Variants in VDAC1 observed in about 807,000 individuals in gnomAD.
The protein encoded by VDAC1 is voltage dependent anion channel 1, also known as non-selective voltage-gated ion channel VDAC1.
In VDAC1, 10 loss-of-function variants were observed where a neutral mutation model predicts 34.7. That is an observed-to-expected ratio of 0.29 (90% CI 0.18 to 0.49). The LOEUF (loss-of-function observed/expected upper bound fraction) is 0.49. VDAC1 is among the 20% of genes least tolerant of loss of function. The probability of loss-of-function intolerance (pLI) is 0.99; values close to 1 mark genes in which losing one functional copy is unlikely to be tolerated. For missense variants in VDAC1, 230 were observed against 347.9 expected (o/e 0.66, Z 2.69); for synonymous variants, 130 against 136.0 (o/e 0.96, Z 0.30).
At chr5:134,074,037 G>T in the VDAC1 span, among the ~76,000 whole-genome samples, 1 of 152,124 alleles carries the variant, frequency 6.6e-6, no homozygotes, top group East Asian at 1.9e-4. Context: ...AGCTGGCTGG[G>T]CGCAGTGGCT....
the VDAC1 span, among the ~76,000 whole-genome samples, chr5:134,073,165 G>T: frequency 1.3e-5 from 2 of 152,128 alleles, no homozygotes; most frequent in Non-Finnish European, 2.9e-5. Flanking sequence ...CCTCCCAAAG[G>T]GATGCCAGGT....
At chr5:133,993,077 T>C in intron 1 of VDAC1, 59 bp from the exon 2 acceptor site, 2 of 1,508,642 alleles carry the variant, frequency 1.3e-6, no homozygotes, top group East Asian at 2.4e-5. Context: ...TAGCTTTCCA[T>C]CAATAACAAT....
the VDAC1 span, among the ~76,000 whole-genome samples, chr5:134,078,705 C>T: frequency 5.9e-5 from 8 of 136,532 alleles, no homozygotes; most frequent in Non-Finnish European, 1.1e-4. Flanking sequence ...GGCTGGAGTG[C>T]AATGGCACGA....
chr5:134,107,834 T>C, the VDAC1 span, among the ~76,000 whole-genome samples: 6 of 152,312 alleles, frequency 3.9e-5, no homozygotes, highest in East Asian at 5.8e-4. Flanking sequence ...GAGACAAATA[T>C]TACTCTTACC....
the VDAC1 span, among the ~76,000 whole-genome samples, chr5:134,034,907 G>C: frequency 6.6e-6 from 1 of 152,102 alleles, no homozygotes; most frequent in Non-Finnish European, 1.5e-5. Context: ...ACAACTGATC[G>C]TAGGGAGAAA....
chr5:133,980,689 A>ACGGCC, intron 6 of VDAC1, 40 bp downstream of exon 6: 1 of 564,058 alleles, frequency 1.8e-6, no homozygotes. Context: ...ACATGCTCCA[A>ACGGCC]CCCCACCCCT....
the VDAC1 span, among the ~76,000 whole-genome samples, chr5:134,113,836 T>C: frequency 4.6e-5 from 7 of 152,234 alleles, no homozygotes; most frequent in African/African-American, 1.4e-4. Context: ...TTCAGAGTCA[T>C]GGGCTCCCTA....
rs780428327 is a variant in VDAC1, at chr5:133,991,087, T to C, written c.185A>G (p.Tyr62Cys). Residue 62 changes from tyrosine to cysteine, a missense_variant, in exon 4 of 9, where the codon TAC (tyrosine) becomes TGC (cysteine). By Grantham distance (194) the Tyr-to-Cys change is radical. Transcript: ENST00000265333. ...TKVTGSLETKYRWTEYGLTFT... is the reference protein window; with the variant it reads ...TKVTGSLETKCRWTEYGLTFT... ...CGTCAGGCCGTACTCAGTCCATCTG[T>C]ACTTGGTTTCCAGACTGCCCGTCAC... The C allele has an allele frequency of 1.2e-6, 2 of 1,614,076 alleles. No individual in the cohort carries two copies. Among genetic ancestry groups the C allele is most frequent in the Non-Finnish European group, 1.7e-6 (2 of 1,180,034 alleles).
At chr5:134,100,961 AT>A in the VDAC1 span, among the ~76,000 whole-genome samples, 1 of 152,174 alleles carries the variant, frequency 6.6e-6, no homozygotes, top group Admixed American at 6.5e-5. Context: ...CCATGCTCAT[AT>A]TTTTCTTGGC....
the VDAC1 span, among the ~76,000 whole-genome samples, chr5:134,095,538 C>T: frequency 1.1e-4 from 17 of 150,752 alleles, no homozygotes; most frequent in East Asian, 3.3e-3. Context: ...AAGAGGAAGA[C>T]AGAGTGGACT....
the VDAC1 span, among the ~76,000 whole-genome samples, chr5:134,101,337 C>G: frequency 3.3e-5 from 5 of 152,278 alleles, no homozygotes; most frequent in African/African-American, 1.2e-4. Context: ...CGCCTGTAAT[C>G]CCAGCACTTT....
the VDAC1 span, among the ~76,000 whole-genome samples, chr5:134,062,171 G>C: frequency 6.6e-6 from 1 of 151,524 alleles, no homozygotes; most frequent in South Asian, 2.1e-4. Flanking sequence ...ATTTTTAGTA[G>C]AGATGGGGTT....
At position 133,993,143 on chromosome 5, in the gene VDAC1, G is replaced by C. The variant is rs186488126; in HGVS notation, c.-6-125C>G. On this transcript the variant is annotated intron_variant, in intron 1 of 8. Transcript: ENST00000265333. ...CACCTAGCACTAAGACTACCAGGTA[G>C]CTTATCCTCCCAGATGGGCCAAGAA... is the stretch of plus-strand genomic sequence containing the variant. The C allele has an allele frequency of 2.1e-5, 21 of 991,030 alleles. No homozygotes were observed. The Admixed American group carries it at 3.3e-4, about 15-fold the overall frequency. The allele number at this position is 991,030 out of a possible 1,614,324, so 61.4% of individuals were successfully genotyped here. A position where few individuals can be genotyped will look rare whatever the true frequency, so the allele number is the denominator to read the frequency against.
the VDAC1 span, among the ~76,000 whole-genome samples, chr5:134,042,737 T>G: frequency 2.0e-5 from 3 of 152,218 alleles, no homozygotes; most frequent in East Asian, 3.8e-4. Context: ...CCCGCCTGCT[T>G]CAGCCTCCCA....
At chr5:134,008,059 C>A (rs1440678315), upstream of VDAC1, among the ~76,000 whole-genome samples, 1 of 152,170 alleles carries the variant, frequency 6.6e-6, no homozygotes, top group Non-Finnish European at 1.5e-5. Context: ...CCAAAGCCTT[C>A]CTGGGAGTGG....
chr5:133,986,689 A>G (rs1261281785), intron 5 of VDAC1, among the ~76,000 whole-genome samples: 1 of 152,196 alleles, frequency 6.6e-6, no homozygotes, highest in Non-Finnish European at 1.5e-5. Flanking sequence ...CCAGGCCTAC[A>G]ATCTTAGTTT....
Position 133,973,827 on chromosome 5 carries a change from G to A in VDAC1, c.724C>T (p.Leu242=), listed in dbSNP as rs1281047415. ...CFSAKVNNSS[L]IGLGYTQTLK... is the part of the protein sequence containing the mutation. The stretch of plus-strand genomic sequence containing the variant: ...GTCTGAGTGTATCCTAAACCTATCA[G>A]GCTGGAGTTGTTCACTTTAGCCTAA... The change falls in exon 8 of 9, where the codon CTG becomes TTG. Residue 242 remains leucine, a synonymous_variant. Transcript: ENST00000265333. The A allele has an allele frequency of 8.7e-6, 14 of 1,613,200 alleles. No homozygotes were observed. The highest frequency in any genetic ancestry group is 1.2e-5 in the Non-Finnish European group (14 of 1,179,890).
At chr5:134,055,337 C>T in the VDAC1 span, among the ~76,000 whole-genome samples, 3 of 152,142 alleles carry the variant, frequency 2.0e-5, no homozygotes, top group Non-Finnish European at 4.4e-5. Context: ...AGGAGATTTC[C>T]CCGTGTCTCA....
the VDAC1 span, among the ~76,000 whole-genome samples, chr5:134,092,676 A>G: frequency 7.8e-6 from 1 of 127,938 alleles, no homozygotes; most frequent in African/African-American, 3.4e-5. Context: ...ATTCCGTCTC[A>G]AAAAAAAAAA....
Sources: allele counts gnomAD v4.1 joint callset (sites outside exome capture counted in the v4.1 genomes callset), GRCh38; gene constraint gnomAD v4.1.1; transcripts MANE v1.5; gene names NCBI Gene and HGNC (gene_info 2026-07-23, HGNC 2026-07-21).